RIMS3: variants seen among roughly 807,000 people sequenced by gnomAD.
RIMS3 encodes regulating synaptic membrane exocytosis 3.
A neutral mutation model predicts 29.2 loss-of-function variants in RIMS3; 15 were observed. That is an observed-to-expected ratio of 0.51 (90% CI 0.34 to 0.79). The LOEUF (loss-of-function observed/expected upper bound fraction) is 0.79, where lower values mean the gene tolerates loss of function less well. RIMS3 is among the 30% of genes least tolerant of loss of function. The probability of loss-of-function intolerance (pLI) is 0.01; values close to 1 mark genes in which losing one functional copy is unlikely to be tolerated. For missense variants in RIMS3, 342 were observed against 421.4 expected (o/e 0.81, Z 1.65); for synonymous variants, 161 against 170.1 (o/e 0.95, Z 0.41).
At chr1:40,687,103 G>C in the RIMS3 span, among the ~76,000 whole-genome samples, 13 of 152,156 alleles carry the variant, frequency 8.5e-5, no homozygotes, top group Non-Finnish European at 1.3e-4. Flanking sequence ...GACTCCAACA[G>C]ATATTTGTAT....
intron 5 of RIMS3, among the ~76,000 whole-genome samples, chr1:40,631,578 C>T (rs1042766076): frequency 2.0e-5 from 3 of 152,132 alleles, no homozygotes; most frequent in Non-Finnish European, 4.4e-5. Flanking sequence ...ACTCGGGAGG[C>T]TGAGGCATGA....
At chr1:40,689,422 C>T in the RIMS3 span, among the ~76,000 whole-genome samples, 1 of 152,162 alleles carries the variant, frequency 6.6e-6, no homozygotes, top group Admixed American at 6.5e-5. Context: ...GCTGGGATTG[C>T]AGGTGCCTGC....
the RIMS3 span, among the ~76,000 whole-genome samples, chr1:40,687,811 T>TATAG: frequency 2.0e-5 from 3 of 152,132 alleles, no homozygotes; most frequent in Non-Finnish European, 2.9e-5. Flanking sequence ...AGTGGCTGCC[T>TATAG]ACATGTCTTC....
chr1:40,649,657 C>T (rs1646618253), intron 1 of RIMS3, among the ~76,000 whole-genome samples: 1 of 152,246 alleles, frequency 6.6e-6, no homozygotes, highest in Non-Finnish European at 1.5e-5. Flanking sequence ...TGGCCCCCAT[C>T]CTCGCCAGAC....
intron 5 of RIMS3, 95 bp from the exon 6 acceptor site, chr1:40,629,467 A>G: frequency 9.9e-7 from 1 of 1,005,336 alleles, no homozygotes. Flanking sequence ...AGGAGGCTAC[A>G]TCATCACTAG....
chr1:40,629,339 C>G lies in RIMS3; in HGVS notation c.506G>C (p.Gly169Ala). The change falls in exon 6 of 8, where the codon GGC becomes GCC. Residue 169 changes from glycine (G) to alanine (A), a missense_variant. Coordinates refer to ENST00000372684, the MANE Select transcript of RIMS3 (RefSeq NM_014747.3). ...DVHIAIMDRS[G>A]QLEVEVIEAR... is the part of the protein sequence containing the mutation. ...TTCAATCACTTCCACCTCCAGCTGG[C>G]CACTCCGGTCCATGATGGCAATGTG... 6.2e-7 allele frequency: 1 copy of G among 1,614,136 alleles called. No individual in the cohort carries two copies. Among genetic ancestry groups the G allele is most frequent in the Non-Finnish European group, 8.5e-7 (1 of 1,180,014 alleles).
chr1:40,685,669 G>A, the RIMS3 span, among the ~76,000 whole-genome samples: 2 of 152,134 alleles, frequency 1.3e-5, no homozygotes, highest in Admixed American at 6.5e-5. Flanking sequence ...GTAAGACCTC[G>A]GAGTAAAGGG....
At chr1:40,670,609 T>TA (rs55692608), upstream of RIMS3, among the ~76,000 whole-genome samples, 8 of 135,808 alleles carry the variant, frequency 5.9e-5, no homozygotes, top group Non-Finnish European at 7.8e-5. Context: ...TATATATATA[T>TA]TTGAGATGGA....
chr1:40,641,832 G>C lies in RIMS3; in HGVS notation c.94C>G (p.Gln32Glu). ...GTGGTCCCAGCCCCGCCCCCGGCTT[G>C]CTGGGATCCGCAGATTTCACCGCTA... is the stretch of plus-strand genomic sequence containing the variant. The part of the protein sequence containing the change: ...SISGEICGSQ[Q>E]AGGGAGTTTA... Residue 32 changes from glutamine to glutamate, a missense_variant, in exon 3 of 8, where the codon CAA (glutamine) becomes GAA (glutamate). Transcript: ENST00000372684. 6.2e-7 allele frequency: 1 copy of C among 1,613,194 alleles called. No homozygotes were observed. Among genetic ancestry groups the C allele is most frequent in the South Asian group, 1.1e-5 (1 of 91,072 alleles).
rs2148340946 is a variant in RIMS3 at position 40,624,133 on chromosome 1, GT to G, written c.*2383del. ...GGGTCACCACGGCCTGGAACCCCCA[GT>G]GGCAGGCCTCTCTGCAGGCAGCTCC... On this transcript the variant is annotated 3_prime_UTR_variant, in exon 8 of 8. Transcript: ENST00000372684. The G allele has an allele frequency of 1.3e-5, 2 of 152,332 alleles. No individual in the cohort carries two copies. The highest frequency in any genetic ancestry group is 4.8e-5 in the African/African-American group (2 of 41,546). 9.4% of individuals were successfully genotyped at this position (152,332 alleles called of 1,614,324 possible). A position where few individuals can be genotyped will look rare whatever the true frequency, so the allele number is the denominator to read the frequency against.
At position 40,665,530 on chromosome 1, in the gene RIMS3, G is replaced by T. The variant is rs577800722; in HGVS notation, c.-343C>A. The T allele has an allele frequency of 3.9e-5, 6 of 152,298 alleles. No homozygotes were observed. The highest frequency in any genetic ancestry group is 1.3e-4 in the Admixed American group (2 of 15,292). The allele number at this position is 152,298 out of a possible 1,614,324, so 9.4% of individuals were successfully genotyped here. ...GCGCGGCCCGGCCCCAGGCTGGCGC[G>T]GACTCCGAGTGGATAGGCACGCGGG... On this transcript the variant is annotated 5_prime_UTR_variant, in exon 1 of 8. Coordinates refer to ENST00000372684, the MANE Select transcript of RIMS3 (RefSeq NM_014747.3).
At chr1:40,652,104 C>T (rs1646635070) in intron 1 of RIMS3, among the ~76,000 whole-genome samples, 1 of 152,142 alleles carries the variant, frequency 6.6e-6, no homozygotes, top group Non-Finnish European at 1.5e-5. Context: ...CAGCCATCTC[C>T]ACCATTCGCC....
chr1:40,677,830 C>T, the RIMS3 span, among the ~76,000 whole-genome samples: 22 of 152,262 alleles, frequency 1.4e-4, no homozygotes, highest in South Asian at 1.7e-3. Flanking sequence ...GAAGAAAAGT[C>T]GTGTTCTTGA....
intron 5 of RIMS3, among the ~76,000 whole-genome samples, chr1:40,632,673 A>C (rs992065899): frequency 6.6e-6 from 1 of 151,890 alleles, no homozygotes; most frequent in Non-Finnish European, 1.5e-5. Flanking sequence ...GAATCCACAA[A>C]CACAGAACCC....
At chr1:40,679,059 A>G in the RIMS3 span, among the ~76,000 whole-genome samples, 1 of 152,238 alleles carries the variant, frequency 6.6e-6, no homozygotes, top group South Asian at 2.1e-4. Flanking sequence ...ACTTGTTGCT[A>G]ACACTACTGA....
chr1:40,651,320 C>A (rs1456712437), intron 1 of RIMS3, among the ~76,000 whole-genome samples: 1 of 152,178 alleles, frequency 6.6e-6, no homozygotes, highest in African/African-American at 2.4e-5. Flanking sequence ...CCGACGGAGG[C>A]AGAAATGGGA....
chr1:40,661,390 T>G (rs1286819584), intron 1 of RIMS3, among the ~76,000 whole-genome samples: 1 of 152,152 alleles, frequency 6.6e-6, no homozygotes, highest in Non-Finnish European at 1.5e-5. Flanking sequence ...CCCTGCCTCT[T>G]CCTACCCCTA....
intron 2 of RIMS3, among the ~76,000 whole-genome samples, chr1:40,644,777 C>T (rs567352893): frequency 2.0e-5 from 3 of 152,350 alleles, no homozygotes; most frequent in South Asian, 4.1e-4. Flanking sequence ...TGGCTCTGTC[C>T]TAGCCCACAG....
chr1:40,691,140 G>T, the RIMS3 span: 2 of 152,298 alleles, frequency 1.3e-5, no homozygotes, highest in East Asian at 3.8e-4. Flanking sequence ...TTTAAAATCT[G>T]CATTCAAATA....
Sources: allele counts gnomAD v4.1 joint callset (sites outside exome capture counted in the v4.1 genomes callset), GRCh38; gene constraint gnomAD v4.1.1; transcripts MANE v1.5; gene names NCBI Gene and HGNC (gene_info 2026-07-23, HGNC 2026-07-21).